The following APBB2 variants were observed in gnomAD, a reference collection of about 807,000 sequenced individuals.
The protein encoded by APBB2 is amyloid beta precursor protein binding family B member 2, also known as Fe65-like 1.
In APBB2, 38 loss-of-function variants were observed where a neutral mutation model predicts 82.5. The ratio of observed to expected loss-of-function variants is 0.46; its 90% CI spans 0.36 to 0.60. APBB2 has a LOEUF of 0.60. Ranked by LOEUF, APBB2 falls within the 20% of genes least tolerant of loss-of-function variation. The pLI is 0.00. For synonymous variants in APBB2, 341 were observed against 368.2 expected (o/e 0.93, Z 0.85); for missense variants, 772 against 972.3 (o/e 0.79, Z 2.74).
chr4:41,060,917 A>G (rs1399244416), intron 4 of APBB2, among the ~76,000 whole-genome samples: 1 of 152,210 alleles, frequency 6.6e-6, no homozygotes, highest in Admixed American at 6.5e-5. Context: ...ACTAACAACA[A>G]TAACGATCAT....
chr4:41,023,174 A>C (rs1448358739), intron 5 of APBB2, among the ~76,000 whole-genome samples: 1 of 152,244 alleles, frequency 6.6e-6, no homozygotes. Context: ...ATGACTGTTC[A>C]TCAGTTGCAA....
At chr4:40,927,220 A>T (rs182402612) in intron 10 of APBB2, among the ~76,000 whole-genome samples, 1 of 152,340 alleles carries the variant, frequency 6.6e-6, no homozygotes, top group East Asian at 1.9e-4. Flanking sequence ...TATGTGTTTC[A>T]AAGAACAAGG....
At chr4:41,040,973 C>T (rs781595327) in intron 4 of APBB2, among the ~76,000 whole-genome samples, 71 of 152,110 alleles carry the variant, frequency 4.7e-4, no homozygotes, top group Non-Finnish European at 9.0e-4. Context: ...CTCCGCCTCC[C>T]GAGTTCACGC....
intron 2 of APBB2, among the ~76,000 whole-genome samples, chr4:41,117,899 G>C (rs1751568817): frequency 6.6e-6 from 1 of 152,142 alleles, no homozygotes; most frequent in Non-Finnish European, 1.5e-5. Flanking sequence ...GACAGTATTT[G>C]ACTCAGGTCA....
chr4:41,044,677 G>GT (rs1184068401), intron 4 of APBB2, among the ~76,000 whole-genome samples: 9 of 152,244 alleles, frequency 5.9e-5, no homozygotes, highest in African/African-American at 1.9e-4. Flanking sequence ...TTCTTTCAGC[G>GT]TAAGAGTTTC....
intron 10 of APBB2, among the ~76,000 whole-genome samples, chr4:40,896,595 T>A (rs1333316531): frequency 6.6e-6 from 1 of 152,226 alleles, no homozygotes; most frequent in Non-Finnish European, 1.5e-5. Context: ...GTTGAATGAA[T>A]GAGCAAATAA....
At chr4:41,101,234 G>A (rs1745224773) in intron 2 of APBB2, among the ~76,000 whole-genome samples, 1 of 151,834 alleles carries the variant, frequency 6.6e-6, no homozygotes, top group Non-Finnish European at 1.5e-5. Flanking sequence ...GGAGGCCGAG[G>A]CGGGTGGATC....
In APBB2 at chr4:40,830,597, C is replaced by T. The variant is rs772407709; in HGVS notation, c.1530-20G>A. The T allele has an allele frequency of 6.8e-7, 1 of 1,461,586 alleles. No individual in the cohort carries two copies. Among genetic ancestry groups the T allele is most frequent in the South Asian group, 1.1e-5 (1 of 87,904 alleles). The allele number at this position is 1,461,586 out of a possible 1,614,324, so 90.5% of individuals were successfully genotyped here. A position where few individuals can be genotyped will look rare whatever the true frequency, so the allele number is the denominator to read the frequency against. ...AAATCCCTGTGCAAGCAAAATGTAT[C>T]AGTCCATTAGTAAGAGAAGCTGATT... On this transcript the variant is annotated intron_variant, in intron 12 of 17. Coordinates refer to ENST00000508593, the MANE Select transcript of APBB2 (RefSeq NM_004307.2).
At chr4:41,110,736 T>A (rs576496845) in intron 2 of APBB2, among the ~76,000 whole-genome samples, 3 of 152,148 alleles carry the variant, frequency 2.0e-5, no homozygotes, top group Non-Finnish European at 2.9e-5. Flanking sequence ...CTTTGTGTTC[T>A]CTCTACATGC....
At chr4:41,209,318 T>A (rs1012993755) in intron 1 of APBB2, among the ~76,000 whole-genome samples, 1 of 152,198 alleles carries the variant, frequency 6.6e-6, no homozygotes, top group East Asian at 1.9e-4. Context: ...CTTTGCTCTC[T>A]GCCCCATCGC....
chr4:41,019,739 A>G (rs1810962354), intron 5 of APBB2, among the ~76,000 whole-genome samples: 1 of 152,234 alleles, frequency 6.6e-6, no homozygotes, highest in Non-Finnish European at 1.5e-5. Flanking sequence ...CCAGGAAGGT[A>G]GAGGTATTGC....
At chr4:41,177,899 C>T (rs1425682258) in intron 1 of APBB2, among the ~76,000 whole-genome samples, 2 of 152,134 alleles carry the variant, frequency 1.3e-5, no homozygotes, top group African/African-American at 4.8e-5. Flanking sequence ...CTGAAATGCT[C>T]CAGTGAGCAT....
intron 3 of APBB2, among the ~76,000 whole-genome samples, chr4:41,091,133 C>T (rs1408762643): frequency 2.0e-5 from 3 of 152,194 alleles, no homozygotes; most frequent in South Asian, 2.1e-4. Flanking sequence ...TCTCCCCTTG[C>T]TTTGGTATTT....
intron 12 of APBB2, among the ~76,000 whole-genome samples, chr4:40,883,353 G>A (rs981209777): frequency 2.6e-5 from 4 of 152,116 alleles, no homozygotes; most frequent in South Asian, 2.1e-4. Context: ...TTGGGAGGCC[G>A]AGGAGGGCAG....
chr4:41,068,509 A>G (rs1055184377), intron 3 of APBB2, among the ~76,000 whole-genome samples: 27 of 152,208 alleles, frequency 1.8e-4, no homozygotes, highest in Non-Finnish European at 3.7e-4. Context: ...GTCTGAGGAC[A>G]TGGATCTTGA....
intron 3 of APBB2, among the ~76,000 whole-genome samples, chr4:41,099,258 C>T (rs894942685): frequency 3.3e-5 from 5 of 151,970 alleles, no homozygotes; most frequent in East Asian, 1.9e-4. Flanking sequence ...GATGGAGTTT[C>T]GCTCTTGTTG....
chr4:40,847,396 A>G (rs1365079114), intron 12 of APBB2, among the ~76,000 whole-genome samples: 1 of 152,196 alleles, frequency 6.6e-6, no homozygotes, highest in Non-Finnish European at 1.5e-5. Context: ...CGGGAGGTGG[A>G]GGTTGCAGTG....
intron 12 of APBB2, among the ~76,000 whole-genome samples, chr4:40,845,471 G>A (rs1030715921): frequency 6.6e-6 from 1 of 151,646 alleles, no homozygotes; most frequent in African/African-American, 2.4e-5. Flanking sequence ...GCTCTCCGTG[G>A]CTGTTCCTTG....
chr4:40,909,330 G>A (rs1777927210), intron 10 of APBB2, among the ~76,000 whole-genome samples: 1 of 152,262 alleles, frequency 6.6e-6, no homozygotes, highest in African/African-American at 2.4e-5. Context: ...TGCATGTTCA[G>A]GTTGGCTAAT....
Sources: allele counts gnomAD v4.1 joint callset (sites outside exome capture counted in the v4.1 genomes callset), GRCh38; gene constraint gnomAD v4.1.1; transcripts MANE v1.5; gene names NCBI Gene and HGNC (gene_info 2026-07-23, HGNC 2026-07-21).